TNKS: variants seen among roughly 807,000 people sequenced by gnomAD.
TNKS encodes poly [ADP-ribose] polymerase tankyrase-1.
In TNKS, 72 loss-of-function variants were observed where a neutral mutation model predicts 135.8. That is an observed-to-expected ratio of 0.53 (90% CI 0.44 to 0.64). The LOEUF is 0.64. TNKS is among the 30% of genes least tolerant of loss of function. The pLI is 0.00. For missense variants in TNKS, 1,769 were observed against 1,674.0 expected, an observed-to-expected ratio of 1.06 and a Z score of -0.99; for synonymous variants, 849 against 649.3, an observed-to-expected ratio of 1.31 and a Z score of -4.68.
rs1273046323 is a variant in TNKS, at chr8:9,568,795, C to CT, written c.674-11358dup. The stretch of plus-strand genomic sequence containing the variant: ...TAATAGCATTGTCAGATAATTTTGC[C>CT]TTTTTTCTCTTTGATTCTGTACCCA... On this transcript the variant is annotated intron_variant, in intron 1 of 26. Coordinates refer to ENST00000310430, the MANE Select transcript of TNKS (RefSeq NM_003747.3). Among the ~76,000 whole-genome samples the CT allele has an allele frequency of 4.9e-5, 7 of 143,710 alleles. 1 individual carries two copies. Among genetic ancestry groups the CT allele is most frequent in the African/African-American group, 1.8e-4 (7 of 39,278 alleles). 94.3% of individuals were successfully genotyped at this position (143,710 alleles called of 152,430 possible).
chr8:9,568,538 A>G (rs1349400154), intron 1 of TNKS, among the ~76,000 whole-genome samples: 1 of 152,214 alleles, frequency 6.6e-6, no homozygotes, highest in Non-Finnish European at 1.5e-5. Flanking sequence ...ACTCCATTAT[A>G]TGTAAATATG....
chr8:9,575,393 G>T lies in TNKS; in HGVS notation c.674-4766G>T, dbSNP rs1006884842. The T allele has an allele frequency of 1.1e-5, 11 of 985,078 alleles. No individual in the cohort carries two copies. In the African/African-American group the frequency reaches 1.7e-4, roughly 16 times the overall value. 61.0% of individuals were successfully genotyped at this position (985,078 alleles called of 1,614,324 possible). On this transcript the variant is annotated intron_variant, in intron 1 of 26. Coordinates refer to ENST00000310430, the MANE Select transcript of TNKS (RefSeq NM_003747.3). ...CGCCCGGCGGATAATTTTTTAAGAG[G>T]AACAAGGTGGGTCAACTCTACCCTA...
At chr8:9,585,504 C>G (rs1274978086) in intron 2 of TNKS, among the ~76,000 whole-genome samples, 1 of 151,924 alleles carries the variant, frequency 6.6e-6, no homozygotes, top group Admixed American at 6.6e-5. Context: ...TTGCACTTTT[C>G]CAGAAAGAAG....
chr8:9,713,027 A>G (rs1016682091), intron 11 of TNKS, among the ~76,000 whole-genome samples: 4 of 152,220 alleles, frequency 2.6e-5, no homozygotes, highest in Non-Finnish European at 5.9e-5. Context: ...TCATATATAT[A>G]TATTAAGTGT....
Position 9,765,683 on chromosome 8 carries a change from T to C in TNKS, c.3448-9T>C, listed in dbSNP as rs1283548725. On this transcript the variant is annotated splice_polypyrimidine_tract_variant and intron_variant, in intron 23 of 26. Coordinates refer to ENST00000310430, the MANE Select transcript of TNKS (RefSeq NM_003747.3). The stretch of plus-strand genomic sequence containing the variant: ...ACCGATAATGTTTCTTTCTTCTTCA[T>C]CCTTAAAGATTCAAAAAGTTGTCAA... The C allele has an allele frequency of 1.2e-6, 2 of 1,608,482 alleles. No homozygotes were observed. The highest frequency in any genetic ancestry group is 2.2e-5 in the East Asian group (1 of 44,836).
intron 3 of TNKS, among the ~76,000 whole-genome samples, chr8:9,667,030 G>T (rs971472130): frequency 6.6e-6 from 1 of 151,966 alleles, no homozygotes; most frequent in Non-Finnish European, 1.5e-5. Flanking sequence ...TGAGTGTTCC[G>T]ATTTTTATGG....
Position 9,556,176 on chromosome 8 carries a change from A to G in TNKS, c.237A>G (p.Arg79=). The G allele has an allele frequency of 2.5e-6, 4 of 1,612,468 alleles. No individual in the cohort carries two copies. Among genetic ancestry groups the G allele is most frequent in the Non-Finnish European group, 3.4e-6 (4 of 1,179,052 alleles). Residue 79 remains arginine, a synonymous_variant, in exon 1 of 27, where the codon CGA becomes CGG. Transcript: ENST00000310430. ...DGSRDPPDRP[R]SPDPVDGTSC... Reference sequence around the variant, plus strand: ...GTCGGGATCCGCCCGACAGGCCCCGATCCCCGGACCCGGTTGACGGTACCA... The same window carrying G: ...GTCGGGATCCGCCCGACAGGCCCCGGTCCCCGGACCCGGTTGACGGTACCA...
rs1797458510 is a variant in TNKS at position 9,564,706 on chromosome 8, C to T, written c.673+8094C>T. On this transcript the variant is annotated intron_variant, in intron 1 of 26. Coordinates refer to ENST00000310430, the MANE Select transcript of TNKS (RefSeq NM_003747.3). Reference sequence around the variant, plus strand: ...TGGCTTATGTTTATTCTTCTGATAGCTAAGTTTTGGTGTAGCCCTGCTCTT... The same window carrying T: ...TGGCTTATGTTTATTCTTCTGATAGTTAAGTTTTGGTGTAGCCCTGCTCTT... 2.0e-5 allele frequency among the ~76,000 whole-genome samples: 3 copies of T among 152,284 alleles called. No homozygotes were observed. In the South Asian group the frequency reaches 6.2e-4, roughly 32 times the overall value.
intron 3 of TNKS, among the ~76,000 whole-genome samples, chr8:9,630,009 C>G (rs2128771209): frequency 6.6e-6 from 1 of 152,304 alleles, no homozygotes; most frequent in East Asian, 1.9e-4. Context: ...ATTTAGGTCT[C>G]AGCCTAAAAA....
At chr8:9,717,195 G>A (rs759076095) in intron 11 of TNKS, among the ~76,000 whole-genome samples, 10 of 148,020 alleles carry the variant, frequency 6.8e-5, no homozygotes, top group African/African-American at 1.5e-4. Context: ...ATCCAGTTCC[G>A]TACTCTGTAG....
intron 6 of TNKS, among the ~76,000 whole-genome samples, chr8:9,705,313 C>G (rs1029059447): frequency 5.3e-5 from 8 of 152,094 alleles, no homozygotes; most frequent in African/African-American, 1.7e-4. Flanking sequence ...GTAAAGTCTC[C>G]AGAGATATAC....
intron 20 of TNKS, among the ~76,000 whole-genome samples, chr8:9,760,094 GA>G (rs1044656699): frequency 6.6e-6 from 1 of 151,732 alleles, no homozygotes; most frequent in Non-Finnish European, 1.5e-5. Flanking sequence ...ATATTTAGAA[GA>G]AAAAAATGGG....
chr8:9,629,350 G>C (rs1006338271), intron 3 of TNKS, among the ~76,000 whole-genome samples: 1 of 152,188 alleles, frequency 6.6e-6, no homozygotes, highest in Non-Finnish European at 1.5e-5. Context: ...CTGTACGTCA[G>C]GCTTCCTTAA....
intron 2 of TNKS, among the ~76,000 whole-genome samples, chr8:9,607,908 T>G (rs1371241790): frequency 6.6e-6 from 1 of 152,168 alleles, no homozygotes; most frequent in East Asian, 1.9e-4. Flanking sequence ...AATGTAATAA[T>G]CACTAATAGA....
At chr8:9,578,889 A>G (rs964577332) in intron 1 of TNKS, among the ~76,000 whole-genome samples, 2 of 152,348 alleles carry the variant, frequency 1.3e-5, no homozygotes, top group South Asian at 2.1e-4. Context: ...GTTTCCTTTT[A>G]TAACCCATTG....
intron 5 of TNKS, among the ~76,000 whole-genome samples, chr8:9,688,274 G>A (rs1803103118): frequency 6.6e-6 from 1 of 152,112 alleles, no homozygotes; most frequent in African/African-American, 2.4e-5. Context: ...ACTATATTGT[G>A]TAAAAAAAGG....
At chr8:9,689,221 A>C (rs1803150084) in intron 5 of TNKS, among the ~76,000 whole-genome samples, 1 of 152,080 alleles carries the variant, frequency 6.6e-6, no homozygotes, top group South Asian at 2.1e-4. Flanking sequence ...TAATCCATTC[A>C]CTCATCTCAT....
chr8:9,747,249 C>G (rs558119161), intron 17 of TNKS, among the ~76,000 whole-genome samples: 1 of 134,248 alleles, frequency 7.4e-6, no homozygotes, highest in East Asian at 2.6e-4. Context: ...CTTCCAGATT[C>G]CCCCCTCCTT....
chr8:9,674,944 A>G (rs1191444046), intron 3 of TNKS, among the ~76,000 whole-genome samples: 1 of 152,186 alleles, frequency 6.6e-6, no homozygotes, highest in Non-Finnish European at 1.5e-5. Context: ...ATCTGATGGG[A>G]TTAAAAAGTA....
Sources: gnomAD v4.1 joint callset for allele counts (sites outside exome capture counted in the v4.1 genomes callset) on GRCh38, gnomAD v4.1.1 for gene constraint, MANE v1.5 for transcripts, NCBI Gene and HGNC (gene_info 2026-07-23, HGNC 2026-07-21) for gene names.